TRIP12: variants seen among roughly 807,000 people sequenced by gnomAD.
TRIP12 encodes the protein thyroid hormone receptor interactor 12, also known as E3 ubiquitin-protein ligase TRIP12.
In TRIP12, 25 loss-of-function variants were observed where a neutral mutation model predicts 244.2. The observed-to-expected ratio is 0.10, with a 90% CI of 0.07 to 0.14. The LOEUF (loss-of-function observed/expected upper bound fraction) is 0.14, where lower values mean the gene tolerates loss of function less well. TRIP12 is among the 10% of genes least tolerant of loss of function. The probability of loss-of-function intolerance (pLI) is 1.00; values close to 1 mark genes in which losing one functional copy is unlikely to be tolerated. For missense variants in TRIP12, 1,677 were observed against 2,486.4 expected (o/e 0.67, Z 6.92); for synonymous variants, 905 against 873.1 (o/e 1.04, Z -0.64).
At chr2:229,917,183 A>G (rs1022552694) in intron 1 of TRIP12, among the ~76,000 whole-genome samples, 2 of 152,014 alleles carry the variant, frequency 1.3e-5, no homozygotes, top group Non-Finnish European at 2.9e-5. Context: ...AATCAAGACC[A>G]TCCTGGCTAA....
chr2:229,770,391 G>A (rs2033796530), intron 39 of TRIP12, among the ~76,000 whole-genome samples: 1 of 152,144 alleles, frequency 6.6e-6, no homozygotes, highest in Admixed American at 6.5e-5. Context: ...TCTATTCCAG[G>A]TGACAAGCAG....
Position 229,778,982 on chromosome 2 carries a change from T to C in TRIP12, c.5103A>G (p.Thr1701=). Residue 1701 remains threonine (T), a synonymous_variant, in exon 35 of 42, where the codon ACA becomes ACG. Transcript: ENST00000675903. The surrounding 1 kb of genome is among the most constrained non-coding windows in gnomAD (Gnocchi z 4.1). ...AAAACTCCAGTGTAGGCCCAAGACC[T>C]GTACCAACCTACAGAAGAACACAAG... ...LEIQYENEVG[T]GLGPTLEFYA... is the part of the protein sequence containing the mutation. 6.2e-7 allele frequency: 1 copy of C among 1,613,364 alleles called. No individual in the cohort carries two copies.
intron 8 of TRIP12, among the ~76,000 whole-genome samples, chr2:229,823,734 C>A (rs1252822552): frequency 1.3e-5 from 2 of 151,654 alleles, no homozygotes; most frequent in Non-Finnish European, 2.9e-5. Context: ...ATGCCTGTAA[C>A]CCCAGCAACT....
intron 4 of TRIP12, among the ~76,000 whole-genome samples, chr2:229,851,644 T>C (rs906340992): frequency 6.6e-6 from 1 of 152,220 alleles, no homozygotes; most frequent in African/African-American, 2.4e-5. Context: ...TTATGAGCTA[T>C]AACACTCACC....
chr2:229,875,550 T>C (rs1050739395), intron 2 of TRIP12, among the ~76,000 whole-genome samples: 1 of 152,232 alleles, frequency 6.6e-6, no homozygotes, highest in Non-Finnish European at 1.5e-5. Flanking sequence ...AAAGGTACAC[T>C]GACTTTACAG....
At chr2:229,920,018 C>T (rs987035249) in intron 1 of TRIP12, among the ~76,000 whole-genome samples, 1 of 152,128 alleles carries the variant, frequency 6.6e-6, no homozygotes, top group Non-Finnish European at 1.5e-5. Context: ...CAATAAAATC[C>T]TCTACAATTT....
At chr2:229,881,325 C>T (rs796612478) in intron 1 of TRIP12, among the ~76,000 whole-genome samples, 14 of 152,290 alleles carry the variant, frequency 9.2e-5, no homozygotes, top group African/African-American at 3.4e-4. Context: ...TTACGACATG[C>T]ACAAATAAAA....
intron 2 of TRIP12, among the ~76,000 whole-genome samples, chr2:229,875,576 A>T (rs508226): frequency 0.98 from 149,185 of 152,338 alleles, 73,132 homozygotes; most frequent in Middle Eastern, 1. Flanking sequence ...AGGTCTGGAA[A>T]CAAGTCCTGA....
intron 1 of TRIP12, among the ~76,000 whole-genome samples, chr2:229,882,223 G>A (rs1576590260): frequency 1.3e-5 from 2 of 152,186 alleles, no homozygotes; most frequent in East Asian, 1.9e-4. Flanking sequence ...TACATGTTAA[G>A]TATTATTATT....
intron 1 of TRIP12, among the ~76,000 whole-genome samples, chr2:229,889,659 C>T (rs963240218): frequency 1.3e-5 from 2 of 152,286 alleles, no homozygotes; most frequent in African/African-American, 4.8e-5. Context: ...AAATCGGATT[C>T]AGTTCCAAAT....
At chr2:229,775,519 A>C (rs1296870620) in intron 37 of TRIP12, among the ~76,000 whole-genome samples, 1 of 151,754 alleles carries the variant, frequency 6.6e-6, no homozygotes, top group Admixed American at 6.5e-5. Context: ...CTTCTCTCAT[A>C]GCTACCAAGG....
At chr2:229,786,441 A>G (rs1490236195) in intron 33 of TRIP12, among the ~76,000 whole-genome samples, 1 of 140,328 alleles carries the variant, frequency 7.1e-6, no homozygotes, top group African/African-American at 2.7e-5. Context: ...CTCTGTTGCC[A>G]GGCTGGAATG....
rs1004474684 is a variant in TRIP12, at chr2:229,813,754, A to G, written c.1986+116T>C. The G allele has an allele frequency of 2.2e-5, 16 of 738,452 alleles. No homozygotes were observed. In the African/African-American group the frequency reaches 2.8e-4, roughly 13 times the overall value. The allele number at this position is 738,452 out of a possible 1,614,324, so 45.7% of individuals were successfully genotyped here. A position where few individuals can be genotyped will look rare whatever the true frequency, so the allele number is the denominator to read the frequency against. The stretch of plus-strand genomic sequence containing the variant: ...AGCTGAGATCACACCACTGCACTCT[A>G]GCCTGGGTAACAGAGCGAGACTCCC... On this transcript the variant is annotated intron_variant, in intron 13 of 41. Coordinates refer to ENST00000675903, the MANE Select transcript of TRIP12 (RefSeq NM_001348323.3).
intron 13 of TRIP12, 105 bp from the exon 14 acceptor site, chr2:229,811,309 C>A: frequency 8.6e-7 from 1 of 1,157,950 alleles, no homozygotes; most frequent in African/African-American, 1.6e-5. Flanking sequence ...TCAAGGCAAG[C>A]TCAATTAGTA....
intron 33 of TRIP12, among the ~76,000 whole-genome samples, chr2:229,786,471 C>T (rs548782116): frequency 6.7e-6 from 1 of 148,540 alleles, no homozygotes; most frequent in Non-Finnish European, 1.5e-5. Context: ...AATCTCAGCT[C>T]ACCGCAACCT....
intron 36 of TRIP12, among the ~76,000 whole-genome samples, chr2:229,777,849 A>G (rs1006269551): frequency 1.3e-5 from 2 of 152,226 alleles, no homozygotes; most frequent in African/African-American, 4.8e-5. Flanking sequence ...TGTCTTAAAC[A>G]TACTGATAAA....
intron 17 of TRIP12, among the ~76,000 whole-genome samples, chr2:229,807,133 T>C (rs2046084017): frequency 6.6e-6 from 1 of 152,234 alleles, no homozygotes; most frequent in African/African-American, 2.4e-5. Context: ...GTATTATTCA[T>C]ATGTTCACTT....
rs111300738 is a variant in TRIP12 at position 229,888,208 on chromosome 2, C to A, written c.-49-8080G>T. ...CAGAAAGAGTACATTTAGTGTTAAT[C>A]ATATAAAACCTGACTCATCATGTAG... On this transcript the variant is annotated intron_variant, in intron 1 of 41. Transcript: ENST00000675903. Among the ~76,000 whole-genome samples the A allele has an allele frequency of 3.0e-4, 45 of 152,186 alleles. 1 individual carries two copies. Among genetic ancestry groups the A allele is most frequent in the African/African-American group, 9.9e-4 (41 of 41,526 alleles).
intron 24 of TRIP12, among the ~76,000 whole-genome samples, chr2:229,797,022 T>G (rs2042985687): frequency 6.6e-6 from 1 of 152,126 alleles, no homozygotes; most frequent in East Asian, 1.9e-4. Context: ...AATCTTCATA[T>G]TCAACCAATG....
Sources: gnomAD v4.1 joint callset for allele counts (sites outside exome capture counted in the v4.1 genomes callset) on GRCh38, gnomAD v4.1.1 for gene constraint, Gnocchi (gnomAD v3.1) non-coding constraint, MANE v1.5 for transcripts, NCBI Gene and HGNC (gene_info 2026-07-23, HGNC 2026-07-21) for gene names.